BIVM: variants seen among roughly 807,000 people sequenced by gnomAD.
BIVM encodes the protein basic, immunoglobulin-like variable motif containing.
A neutral mutation model predicts 61.4 loss-of-function variants in BIVM; 31 were observed. That is an observed-to-expected ratio of 0.51 (90% CI 0.38 to 0.68). BIVM has a LOEUF of 0.68. Ranked by LOEUF, BIVM falls within the 30% of genes least tolerant of loss-of-function variation. BIVM has a pLI of 0.00. For missense variants in BIVM, 526 were observed against 596.0 expected (o/e 0.88, Z 1.22); for synonymous variants, 189 against 210.7 (o/e 0.90, Z 0.89).
intron 1 of BIVM, among the ~76,000 whole-genome samples, chr13:102,802,795 G>A (rs910647012): frequency 1.0e-4 from 15 of 144,052 alleles, no homozygotes; most frequent in Non-Finnish European, 2.2e-4. Context: ...GCCCAGGCTA[G>A]AGTGCAGTGG....
intron 10 of BIVM, 91 bp downstream of exon 10, chr13:102,838,830 A>G (rs985039570): frequency 8.6e-7 from 1 of 1,167,536 alleles, no homozygotes; most frequent in Non-Finnish European, 1.2e-6. Flanking sequence ...AAGTAACAGA[A>G]ACCTATATTT....
chr13:102,828,329 A>AT (rs143904450), intron 7 of BIVM, among the ~76,000 whole-genome samples: 4,761 of 152,242 alleles, frequency 0.031, 260 homozygotes, highest in African/African-American at 0.11. Flanking sequence ...GTCCAGACTC[A>AT]TTTTTTTAAT....
chr13:102,829,492 G>A lies in BIVM; in HGVS notation c.902-2073G>A, dbSNP rs1319572743. ...TAGCTTCCCTCAGTAATACATTTGT[G>A]TCTTCTCATACACAGAATTACTTTC... On this transcript the variant is annotated intron_variant, in intron 7 of 10. Transcript: ENST00000257336. Among the ~76,000 whole-genome samples, 9 of 152,214 alleles carry A rather than the reference G, an allele frequency of 5.9e-5. No homozygotes were observed. The East Asian group carries it at 9.7e-4, about 16-fold the overall frequency.
At chr13:102,827,856 A>T (rs1044263022) in intron 7 of BIVM, among the ~76,000 whole-genome samples, 4 of 152,190 alleles carry the variant, frequency 2.6e-5, no homozygotes, top group Non-Finnish European at 5.9e-5. Context: ...TGTAAAGCAG[A>T]CGTCTCTTCC....
At chr13:102,809,201 T>C (rs908452247) in intron 3 of BIVM, among the ~76,000 whole-genome samples, 7 of 152,224 alleles carry the variant, frequency 4.6e-5, no homozygotes, top group Non-Finnish European at 1.0e-4. Flanking sequence ...CTCACAAATT[T>C]TGATATGCTT....
At chr13:102,806,104 T>C (rs1879058955) in intron 2 of BIVM, among the ~76,000 whole-genome samples, 1 of 152,216 alleles carries the variant, frequency 6.6e-6, no homozygotes, top group South Asian at 2.1e-4. Flanking sequence ...CCATTAGCAA[T>C]GTATGAGGGT....
Position 102,807,787 on chromosome 13 carries a change from A to G in BIVM, c.478+42A>G. The G allele has an allele frequency of 6.5e-7, 1 of 1,541,676 alleles. No homozygotes were observed. Among genetic ancestry groups the G allele is most frequent in the Non-Finnish European group, 8.7e-7 (1 of 1,142,924 alleles). On this transcript the variant is annotated intron_variant, in intron 3 of 10. Transcript: ENST00000257336. This position sits in a 1 kb window ranked among gnomAD's most constrained non-coding sequence, Gnocchi z 4.0. ...GAAGTTCATATGTGAAAATAATGAG[A>G]AAACAAACACTATGTCTTGTTTAAT...
At chr13:102,801,058 GT>G (rs1878727151) in intron 1 of BIVM, among the ~76,000 whole-genome samples, 1 of 152,194 alleles carries the variant, frequency 6.6e-6, no homozygotes, top group Non-Finnish European at 1.5e-5. Context: ...ACAAATGGAC[GT>G]TTATTTTACA....
intron 1 of BIVM, chr13:102,801,476 C>T (rs1490005305): frequency 6.6e-6 from 1 of 152,000 alleles, no homozygotes; most frequent in Admixed American, 6.6e-5. Context: ...TGGCCTCAAA[C>T]TCCTGACCTC....
At chr13:102,837,668 G>C (rs576593878) in intron 9 of BIVM, among the ~76,000 whole-genome samples, 79 of 152,314 alleles carry the variant, frequency 5.2e-4, no homozygotes, top group African/African-American at 1.8e-3. Flanking sequence ...ATCAACCAAT[G>C]AGTGGATAAA....
At chr13:102,829,479 G>C (rs1158019270) in intron 7 of BIVM, among the ~76,000 whole-genome samples, 1 of 152,080 alleles carries the variant, frequency 6.6e-6, no homozygotes, top group East Asian at 1.9e-4. Flanking sequence ...GCTTCCCTCA[G>C]TAATACATTT....
chr13:102,830,818 C>G (rs537443916), intron 7 of BIVM, among the ~76,000 whole-genome samples: 2 of 152,270 alleles, frequency 1.3e-5, no homozygotes, highest in South Asian at 4.2e-4. Context: ...TAACAGGCCC[C>G]CATCTCACAG....
intron 3 of BIVM, among the ~76,000 whole-genome samples, chr13:102,813,264 C>T (rs753765664): frequency 6.6e-6 from 1 of 152,116 alleles, no homozygotes; most frequent in Non-Finnish European, 1.5e-5. Flanking sequence ...TTTAGGCCTT[C>T]TTCCTGAATT....
chr13:102,827,838 G>A (rs1169577285), intron 7 of BIVM, among the ~76,000 whole-genome samples: 1 of 152,154 alleles, frequency 6.6e-6, no homozygotes. Context: ...GCGGTAGGGT[G>A]GTTCATGTGT....
intron 2 of BIVM, among the ~76,000 whole-genome samples, chr13:102,806,214 G>A (rs1427534384): frequency 1.3e-5 from 2 of 152,130 alleles, no homozygotes; most frequent in Non-Finnish European, 2.9e-5. Flanking sequence ...TTTCCATGAT[G>A]GCTAATGATA....
intron 7 of BIVM, among the ~76,000 whole-genome samples, chr13:102,827,236 C>T (rs906622070): frequency 1.4e-5 from 2 of 147,590 alleles, no homozygotes; most frequent in Non-Finnish European, 3.0e-5. Flanking sequence ...TAACCAGTTC[C>T]CTTAATAATC....
rs369441484 is a variant in BIVM at position 102,807,345 on chromosome 13, A to G, written c.78A>G (p.Glu26=). ...ACAAATCTGAGAGAAAGTCACCTGAAGAGAATCTACAAGGTGCTGTAAAAT... is the reference window on the plus strand; with the variant it reads ...ACAAATCTGAGAGAAAGTCACCTGAGGAGAATCTACAAGGTGCTGTAAAAT... ...GEHKSERKSP[E]ENLQGAVKSF... The change falls in exon 3 of 11, where the codon GAA becomes GAG. Residue 26 remains glutamate (E), a synonymous_variant. Coordinates refer to ENST00000257336, the MANE Select transcript of BIVM (RefSeq NM_017693.4). This position sits in a 1 kb window ranked among gnomAD's most constrained non-coding sequence, Gnocchi z 4.0. The G allele has an allele frequency of 6.2e-7, 1 of 1,614,122 alleles. No individual in the cohort carries two copies. Among genetic ancestry groups the G allele is most frequent in the African/African-American group, 1.3e-5 (1 of 74,942 alleles).
intron 7 of BIVM, among the ~76,000 whole-genome samples, chr13:102,825,211 C>T (rs887477845): frequency 6.6e-5 from 10 of 152,142 alleles, no homozygotes; most frequent in African/African-American, 2.4e-4. Flanking sequence ...TCCCAAAGTG[C>T]TGGGATTACA....
intron 6 of BIVM, 101 bp from the exon 7 acceptor site, chr13:102,821,964 G>C (rs1880325079): frequency 6.5e-7 from 1 of 1,528,012 alleles, no homozygotes; most frequent in African/African-American, 1.4e-5. Context: ...CCTCTCATAG[G>C]TATACCAACT....
Sources: gnomAD v4.1 joint callset for allele counts (sites outside exome capture counted in the v4.1 genomes callset) on GRCh38, gnomAD v4.1.1 for gene constraint, Gnocchi (gnomAD v3.1) non-coding constraint, MANE v1.5 for transcripts, NCBI Gene and HGNC (gene_info 2026-07-23, HGNC 2026-07-21) for gene names.